The following CMC1 variants were observed in gnomAD, a reference collection of about 807,000 sequenced individuals.
CMC1 encodes COX assembly mitochondrial protein homolog.
A neutral mutation model predicts 14.1 loss-of-function variants in CMC1; 14 were observed. The observed-to-expected ratio is 0.99, with a 90% CI of 0.66 to 1.55. The LOEUF is 1.55. CMC1 is among the 40% of genes most tolerant of loss of function. CMC1 has a pLI of 0.00. For synonymous variants in CMC1, 50 were observed against 38.4 expected, an observed-to-expected ratio of 1.30 and a Z score of -1.12; for missense variants, 127 against 123.8, an observed-to-expected ratio of 1.03 and a Z score of -0.12.
chr3:28,309,512 A>C (rs1702511738), intron 2 of CMC1, among the ~76,000 whole-genome samples: 1 of 151,876 alleles, frequency 6.6e-6, no homozygotes, highest in Admixed American at 6.6e-5. Context: ...ACTATATTCC[A>C]AGTCCTGTTA....
chr3:28,261,239 G>A (rs1699720541), intron 1 of CMC1, among the ~76,000 whole-genome samples: 1 of 151,812 alleles, frequency 6.6e-6, no homozygotes, highest in African/African-American at 2.4e-5. Flanking sequence ...ATTTTACAAA[G>A]AAGGTTACAA....
At chr3:28,295,375 T>A (rs1701684405) in intron 2 of CMC1, among the ~76,000 whole-genome samples, 1 of 152,128 alleles carries the variant, frequency 6.6e-6, no homozygotes, top group Non-Finnish European at 1.5e-5. Context: ...TGAAAATATT[T>A]AAAAAATATG....
At chr3:28,270,005 T>C (rs1477546486) in intron 2 of CMC1, among the ~76,000 whole-genome samples, 1 of 152,242 alleles carries the variant, frequency 6.6e-6, no homozygotes, top group Non-Finnish European at 1.5e-5. Flanking sequence ...CTCCCACTTA[T>C]AAGTGAGAAC....
intron 1 of CMC1, among the ~76,000 whole-genome samples, chr3:28,252,635 TA>T (rs1038490002): frequency 1.3e-5 from 2 of 152,224 alleles, no homozygotes; most frequent in African/African-American, 2.4e-5. Flanking sequence ...ACTTACTGTC[TA>T]AAGGTTGTTT....
chr3:28,271,145 G>T (rs1700265167), intron 2 of CMC1, among the ~76,000 whole-genome samples: 1 of 151,774 alleles, frequency 6.6e-6, no homozygotes. Flanking sequence ...CTGTTGCTTA[G>T]GCTGTAGTGC....
chr3:28,253,663 T>G, intron 1 of CMC1: 1 of 848,164 alleles, frequency 1.2e-6, no homozygotes, highest in Non-Finnish European at 1.6e-6. Flanking sequence ...GATCCAAATA[T>G]AGAAACTATT....
intron 1 of CMC1, among the ~76,000 whole-genome samples, chr3:28,262,556 C>T (rs1699786087): frequency 6.6e-6 from 1 of 152,118 alleles, no homozygotes; most frequent in African/African-American, 2.4e-5. Context: ...TGGAGCAGCA[C>T]CCACTTTTGG....
chr3:28,260,944 G>A (rs1045322362), intron 1 of CMC1, among the ~76,000 whole-genome samples: 1 of 152,200 alleles, frequency 6.6e-6, no homozygotes, highest in South Asian at 2.1e-4. Flanking sequence ...TTGGTGTCAG[G>A]GAACATAGTT....
At position 28,324,417 on chromosome 3, in the gene CMC1, T is replaced by G; in HGVS notation, c.*4788T>G. On this transcript the variant is annotated 3_prime_UTR_variant, in exon 4 of 4. Coordinates refer to ENST00000466830, the MANE Select transcript of CMC1 (RefSeq NM_182523.2). ...TCATCAAGTGCAGTTTTGTGCTGTC[T>G]CTTCCAAGGTCTTCACTGCATCCTA... The G allele has an allele frequency of 6.5e-7, 1 of 1,529,164 alleles. No individual in the cohort carries two copies. The highest frequency in any genetic ancestry group is 8.8e-7 in the Non-Finnish European group (1 of 1,137,086). The allele number at this position is 1,529,164 out of a possible 1,614,324, so 94.7% of individuals were successfully genotyped here.
intron 2 of CMC1, among the ~76,000 whole-genome samples, chr3:28,306,078 G>A (rs542001834): frequency 6.6e-6 from 1 of 151,974 alleles, no homozygotes; most frequent in East Asian, 1.9e-4. Context: ...ATGCTATTTT[G>A]GTTATGATAG....
At position 28,323,111 on chromosome 3, in the gene CMC1, T is replaced by A. The variant is rs1432229958; in HGVS notation, c.*3482T>A. ...TAATAATTTTAAATCACTTTCTCAA[T>A]AAATAGAATATTACATTTCAACACA... On this transcript the variant is annotated 3_prime_UTR_variant, in exon 4 of 4. Coordinates refer to ENST00000466830, the MANE Select transcript of CMC1 (RefSeq NM_182523.2). The A allele has an allele frequency of 2.0e-5, 3 of 151,154 alleles. No homozygotes were observed. In the East Asian group the frequency reaches 5.8e-4, roughly 29 times the overall value. 9.4% of individuals were successfully genotyped at this position (151,154 alleles called of 1,614,324 possible). A position where few individuals can be genotyped will look rare whatever the true frequency, so the allele number is the denominator to read the frequency against.
intron 2 of CMC1, among the ~76,000 whole-genome samples, chr3:28,273,219 G>C (rs554679815): frequency 1.3e-5 from 2 of 152,096 alleles, no homozygotes; most frequent in Non-Finnish European, 2.9e-5. Flanking sequence ...GTTTTTTGTT[G>C]TGAGCACTTA....
rs746494806 is a variant in CMC1 at position 28,263,342 on chromosome 3, G to C, written c.71G>C (p.Arg24Thr). Residue 24 changes from arginine (R) to threonine (T), a missense_variant, in exon 2 of 4, where the codon AGA (arginine) becomes ACA (threonine). Coordinates refer to ENST00000466830, the MANE Select transcript of CMC1 (RefSeq NM_182523.2). ...EKDVLIPKIMREKAKERCSEQ... is the reference protein window; with the variant it reads ...EKDVLIPKIMTEKAKERCSEQ... ...GATGTTTTGATCCCTAAAATAATGA[G>C]AGAAAAGGCCAAAGAGAGGTGTTCT... 3 of 1,608,816 alleles carry C rather than the reference G, an allele frequency of 1.9e-6. No individual in the cohort carries two copies. The highest frequency in any genetic ancestry group is 2.5e-6 in the Non-Finnish European group (3 of 1,177,746).
Position 28,259,548 on chromosome 3 carries a change from C to T in CMC1, c.20-3743C>T, listed in dbSNP as rs938050464. On this transcript the variant is annotated intron_variant, in intron 1 of 3. Coordinates refer to ENST00000466830, the MANE Select transcript of CMC1 (RefSeq NM_182523.2). The stretch of plus-strand genomic sequence containing the variant: ...TGTTGATTCAGGTACTAATCTTAGT[C>T]GAATTTCACCACTTTTTACATGCAT... 1.4e-4 allele frequency among the ~76,000 whole-genome samples: 21 copies of T among 152,094 alleles called. No homozygotes were observed. The East Asian group carries it at 3.9e-3, about 28-fold the overall frequency.
At chr3:28,265,747 G>T (rs918149403) in intron 2 of CMC1, among the ~76,000 whole-genome samples, 1 of 152,118 alleles carries the variant, frequency 6.6e-6, no homozygotes, top group African/African-American at 2.4e-5. Flanking sequence ...TTCAATGAAA[G>T]AAAGATGCCT....
intron 2 of CMC1, among the ~76,000 whole-genome samples, chr3:28,306,664 G>A (rs1240268010): frequency 4.2e-5 from 6 of 142,412 alleles, no homozygotes; most frequent in African/African-American, 1.6e-4. Context: ...TTTTTTTTGA[G>A]ACAGAGTCTT....
At chr3:28,302,236 T>C (rs1451767953) in intron 2 of CMC1, among the ~76,000 whole-genome samples, 1 of 152,206 alleles carries the variant, frequency 6.6e-6, no homozygotes, top group African/African-American at 2.4e-5. Context: ...GATCCTACTT[T>C]CGTTTCTCCA....
intron 2 of CMC1, among the ~76,000 whole-genome samples, chr3:28,312,689 A>G (rs185604789): frequency 7.2e-4 from 110 of 152,278 alleles, no homozygotes; most frequent in Non-Finnish European, 1.2e-3. Context: ...ATCATAGTTA[A>G]ACTGTACTAT....
chr3:28,315,034 T>G (rs1702823172), intron 2 of CMC1: 1 of 152,180 alleles, frequency 6.6e-6, no homozygotes, highest in African/African-American at 2.4e-5. Flanking sequence ...TTTTTTTGCC[T>G]ACAGCTTCTT....
Sources: allele counts gnomAD v4.1 joint callset (sites outside exome capture counted in the v4.1 genomes callset), GRCh38; gene constraint gnomAD v4.1.1; transcripts MANE v1.5; gene names NCBI Gene and HGNC (gene_info 2026-07-23, HGNC 2026-07-21).